MEDAG: variants seen among roughly 807,000 people sequenced by gnomAD.
The protein encoded by MEDAG is mesenteric estrogen-dependent adipogenesis protein.
A neutral mutation model predicts 29.9 loss-of-function variants in MEDAG; 25 were observed. That is an observed-to-expected ratio of 0.84 (90% CI 0.61 to 1.17). The LOEUF (loss-of-function observed/expected upper bound fraction) is 1.17, where lower values mean the gene tolerates loss of function less well. Among genes scored for constraint, MEDAG ranks in the 50% most tolerant of loss-of-function variants. MEDAG has a pLI of 0.00. For missense variants in MEDAG, 398 were observed against 372.9 expected, an observed-to-expected ratio of 1.07 and a Z score of -0.56; for synonymous variants, 158 against 148.2, an observed-to-expected ratio of 1.07 and a Z score of -0.48.
At chr13:30,923,184 G>T (rs1019735682) in intron 4 of MEDAG, among the ~76,000 whole-genome samples, 1 of 152,066 alleles carries the variant, frequency 6.6e-6, no homozygotes, top group African/African-American at 2.4e-5. Flanking sequence ...GCCTCCCAAA[G>T]TGCTGGAATT....
chr13:30,908,675 A>T (rs1426454557), intron 1 of MEDAG: 2 of 151,264 alleles, frequency 1.3e-5, no homozygotes, highest in East Asian at 3.9e-4. Flanking sequence ...GATAGCATAA[A>T]ACCTCCCTCC....
At chr13:30,915,308 T>A (rs998072908) in intron 1 of MEDAG, among the ~76,000 whole-genome samples, 1 of 152,174 alleles carries the variant, frequency 6.6e-6, no homozygotes, top group Admixed American at 6.5e-5. Flanking sequence ...GAAATATCTA[T>A]GATATTTGTG....
intron 2 of MEDAG, among the ~76,000 whole-genome samples, chr13:30,919,567 T>C (rs1952962575): frequency 6.6e-6 from 1 of 152,208 alleles, no homozygotes; most frequent in Admixed American, 6.5e-5. Flanking sequence ...AAAGAGGATA[T>C]AAGGCAGCTT....
At chr13:30,917,611 C>T (rs1952942483) in intron 2 of MEDAG, 99 bp downstream of exon 2, 2 of 663,294 alleles carry the variant, frequency 3.0e-6, no homozygotes, top group Non-Finnish European at 5.2e-6. Flanking sequence ...CACGGTTCTG[C>T]AGGCTATACA....
intron 1 of MEDAG, among the ~76,000 whole-genome samples, chr13:30,915,849 C>T (rs1032550567): frequency 1.3e-5 from 2 of 152,040 alleles, no homozygotes; most frequent in Non-Finnish European, 2.9e-5. Flanking sequence ...CCATTCCCAT[C>T]GTCCTCTCCT....
rs569416535 is a variant in MEDAG, at chr13:30,910,451, T to G, written c.278+3658T>G. Among the ~76,000 whole-genome samples, 4 of 152,374 alleles carry G rather than the reference T, an allele frequency of 2.6e-5. No individual in the cohort carries two copies. In the South Asian group the frequency reaches 8.3e-4, roughly 32 times the overall value. On this transcript the variant is annotated intron_variant, in intron 1 of 4. Transcript: ENST00000380482. ...GTTTGCATTACTGTTGTTTCTCCTT[T>G]TTACAGATGTAAGCATTAGGACTCA...
intron 4 of MEDAG, 84 bp from the exon 5 acceptor site, chr13:30,924,227 A>G (rs1361396921): frequency 7.5e-7 from 1 of 1,335,352 alleles, no homozygotes; most frequent in Non-Finnish European, 1.0e-6. Context: ...TAAAATAGTT[A>G]GGTTGCATGA....
intron 2 of MEDAG, among the ~76,000 whole-genome samples, chr13:30,920,397 G>A (rs1399314849): frequency 6.6e-6 from 1 of 151,888 alleles, no homozygotes; most frequent in Non-Finnish European, 1.5e-5. Flanking sequence ...ACCACCCTGG[G>A]CAACATAATG....
At chr13:30,911,485 T>C (rs951433842) in intron 1 of MEDAG, among the ~76,000 whole-genome samples, 14 of 152,134 alleles carry the variant, frequency 9.2e-5, no homozygotes, top group African/African-American at 3.4e-4. Flanking sequence ...ATAGTCCTCA[T>C]GGATGGGCTA....
intron 1 of MEDAG, among the ~76,000 whole-genome samples, chr13:30,915,376 G>A (rs966624078): frequency 6.6e-6 from 1 of 152,142 alleles, no homozygotes; most frequent in Non-Finnish European, 1.5e-5. Context: ...GCACAGGGGC[G>A]CCCTGCACTG....
intron 1 of MEDAG, chr13:30,908,971 G>C (rs1952855633): frequency 6.6e-6 from 1 of 151,842 alleles, no homozygotes; most frequent in Non-Finnish European, 1.5e-5. Flanking sequence ...AAAATTAGCT[G>C]GGCATAGTGA....
Position 30,921,041 on chromosome 13 carries a change from C to T in MEDAG, c.416C>T (p.Thr139Met), listed in dbSNP as rs189649245. 374 of 1,613,962 alleles carry T rather than the reference C, an allele frequency of 2.3e-4. No homozygotes were observed. The highest frequency in any genetic ancestry group is 8.9e-4 in the East Asian group (40 of 44,888). ...AGGACGTACGCGTTTCTTGTAAACA[C>T]GAGGCACCCCAAGATAAGAAGACAG... ...KERTYAFLVN[T>M]RHPKIRRQIE... The change falls in exon 3 of 5, where the codon ACG becomes ATG. Residue 139 changes from threonine to methionine, a missense_variant. Physicochemically the swap from Thr to Met is moderately conservative, Grantham distance 81. Transcript: ENST00000380482.
chr13:30,907,211 G>A (rs1952839497), intron 1 of MEDAG, among the ~76,000 whole-genome samples: 1 of 152,192 alleles, frequency 6.6e-6, no homozygotes, highest in Admixed American at 6.5e-5. Flanking sequence ...CATGGGTGGC[G>A]GTGAGGAGCA....
intron 2 of MEDAG, among the ~76,000 whole-genome samples, chr13:30,918,727 TA>T (rs1265343282): frequency 6.6e-6 from 1 of 152,222 alleles, no homozygotes; most frequent in African/African-American, 2.4e-5. Context: ...GAATTTCAAA[TA>T]GATTTCCCCA....
At chr13:30,912,258 G>T (rs1242572462) in intron 1 of MEDAG, among the ~76,000 whole-genome samples, 2 of 152,160 alleles carry the variant, frequency 1.3e-5, no homozygotes, top group African/African-American at 2.4e-5. Context: ...TAGAACTAGG[G>T]CAGAAGGCGG....
rs955299409 is a variant in MEDAG, at chr13:30,921,756, G to A, written c.697G>A (p.Glu233Lys). 1 of 1,613,798 alleles carries A rather than the reference G, an allele frequency of 6.2e-7. No homozygotes were observed. Among genetic ancestry groups the A allele is most frequent in the Non-Finnish European group, 8.5e-7 (1 of 1,179,952 alleles). ...NLSSTSPEKK[E>K]TIKLFLEKMS... Reference sequence around the variant, plus strand: ...GTCAAGTACAAGTCCAGAAAAGAAGGAGACGATTAAGTTATTTCTGGAAAA... The same window carrying A: ...GTCAAGTACAAGTCCAGAAAAGAAGAAGACGATTAAGTTATTTCTGGAAAA... Residue 233 changes from glutamate to lysine, a missense_variant, in exon 4 of 5, where the codon GAG becomes AAG. Physicochemically the swap from Glu to Lys is moderately conservative, Grantham distance 56. Coordinates refer to ENST00000380482, the MANE Select transcript of MEDAG (RefSeq NM_032849.4).
At chr13:30,913,190 GTTT>G (rs1299843198) in intron 1 of MEDAG, among the ~76,000 whole-genome samples, 1 of 152,082 alleles carries the variant, frequency 6.6e-6, no homozygotes, top group African/African-American at 2.4e-5. Flanking sequence ...TCCTGCTGGG[GTTT>G]TTTGTTTGGC....
At chr13:30,919,690 T>C (rs1489608397) in intron 2 of MEDAG, among the ~76,000 whole-genome samples, 2 of 152,210 alleles carry the variant, frequency 1.3e-5, no homozygotes, top group Non-Finnish European at 2.9e-5. Context: ...CACTTGCTGT[T>C]GGTGGACCGA....
At chr13:30,917,690 G>A (rs1003103616) in intron 2 of MEDAG, among the ~76,000 whole-genome samples, 178 bp downstream of exon 2, 3 of 152,114 alleles carry the variant, frequency 2.0e-5, no homozygotes, top group Non-Finnish European at 4.4e-5. Flanking sequence ...AAGCAGGCAC[G>A]TCTTACATGG....
Sources: allele counts gnomAD v4.1 joint callset (sites outside exome capture counted in the v4.1 genomes callset), GRCh38; gene constraint gnomAD v4.1.1; transcripts MANE v1.5; gene names NCBI Gene and HGNC (gene_info 2026-07-23, HGNC 2026-07-21).